TMEM38A: variants seen among roughly 807,000 people sequenced by gnomAD.
TMEM38A encodes trimeric intracellular cation channel type A.
In TMEM38A, 17 loss-of-function variants were observed where a neutral mutation model predicts 28.6. The ratio of observed to expected loss-of-function variants is 0.60; its 90% CI spans 0.41 to 0.89. TMEM38A has a LOEUF of 0.89. TMEM38A is among the 40% of genes least tolerant of loss of function. The pLI, the probability that TMEM38A is intolerant of heterozygous loss-of-function variation, is 0.00. For missense variants in TMEM38A, 328 were observed against 393.1 expected (o/e 0.83, Z 1.40); for synonymous variants, 169 against 166.1 (o/e 1.02, Z -0.14).
At chr19:16,675,442 A>T (rs1390265357) in intron 1 of TMEM38A, among the ~76,000 whole-genome samples, 1 of 151,598 alleles carries the variant, frequency 6.6e-6, no homozygotes, top group African/African-American at 2.4e-5. Context: ...CTATGTTCCC[A>T]GGGCTGGTCT....
intron 1 of TMEM38A, among the ~76,000 whole-genome samples, chr19:16,668,587 G>A (rs1441062308): frequency 6.6e-6 from 1 of 151,316 alleles, no homozygotes; most frequent in African/African-American, 2.4e-5. Flanking sequence ...AGATCCACCT[G>A]CCTTGGCTTC....
chr19:16,679,632 C>G (rs932172559), intron 1 of TMEM38A, among the ~76,000 whole-genome samples: 1 of 152,012 alleles, frequency 6.6e-6, no homozygotes, highest in Non-Finnish European at 1.5e-5. Context: ...TACAAGCTGG[C>G]CCGTCTCACC....
Position 16,661,155 on chromosome 19 carries a change from G to C in TMEM38A, c.-63G>C. 9.2e-7 allele frequency: 1 copy of C among 1,081,638 alleles called. No individual in the cohort carries two copies. The highest frequency in any genetic ancestry group is 4.4e-5 in the South Asian group (1 of 22,948). 67.0% of individuals were successfully genotyped at this position (1,081,638 alleles called of 1,614,324 possible). Reference sequence around the variant, plus strand: ...TGCGGGGGCGCAGTCGCCGGGCCGCGGGCGGCGGGACGGACGAGGCCGGGG... The same window carrying C: ...TGCGGGGGCGCAGTCGCCGGGCCGCCGGCGGCGGGACGGACGAGGCCGGGG... On this transcript the variant is annotated 5_prime_UTR_variant, in exon 1 of 6. Transcript: ENST00000187762. The surrounding 1 kb of genome is among the most constrained non-coding windows in gnomAD (Gnocchi z 6.5).
chr19:16,663,405 C>CA (rs2086690576), intron 1 of TMEM38A, among the ~76,000 whole-genome samples: 2 of 152,108 alleles, frequency 1.3e-5, no homozygotes, highest in African/African-American at 4.8e-5. Context: ...GATATTTCTG[C>CA]AGAAGTCCTA....
At chr19:16,666,274 T>C (rs62116935) in intron 1 of TMEM38A, among the ~76,000 whole-genome samples, 28,467 of 151,782 alleles carry the variant, frequency 0.19, 3,799 homozygotes, top group African/African-American at 0.38. Flanking sequence ...CCATTGCGCC[T>C]GGCCCATTTT....
chr19:16,685,087 A>AAATAAATAAATAAAT (rs1568317225), intron 4 of TMEM38A, among the ~76,000 whole-genome samples: 1 of 103,284 alleles, frequency 9.7e-6, no homozygotes, highest in African/African-American at 6.2e-5. Flanking sequence ...AATAAATAAA[A>AAATAAATAAATAAAT]CGAAATCAGC....
At chr19:16,674,134 C>T (rs951877958) in intron 1 of TMEM38A, among the ~76,000 whole-genome samples, 8 of 151,448 alleles carry the variant, frequency 5.3e-5, no homozygotes, top group African/African-American at 1.9e-4. Context: ...CCTGTAATCC[C>T]AGCACTTTGG....
intron 1 of TMEM38A, among the ~76,000 whole-genome samples, chr19:16,678,216 G>T (rs921104169): frequency 1.3e-4 from 20 of 151,820 alleles, no homozygotes; most frequent in African/African-American, 4.8e-4. Context: ...AGATCACAAG[G>T]TCAAGAGATT....
intron 1 of TMEM38A, among the ~76,000 whole-genome samples, chr19:16,664,102 A>C (rs2086693657): frequency 1.3e-5 from 2 of 152,078 alleles, no homozygotes; most frequent in East Asian, 3.9e-4. Context: ...AATTGATGTG[A>C]GATTGGTTTC....
chr19:16,685,764 A>G (rs1478686440), intron 4 of TMEM38A, among the ~76,000 whole-genome samples: 2 of 152,184 alleles, frequency 1.3e-5, no homozygotes, highest in Non-Finnish European at 2.9e-5. Context: ...GGACACTCCA[A>G]GGGCTTAGAG....
At chr19:16,666,558 G>T (rs2086703973) in intron 1 of TMEM38A, among the ~76,000 whole-genome samples, 1 of 151,998 alleles carries the variant, frequency 6.6e-6, no homozygotes, top group African/African-American at 2.4e-5. Flanking sequence ...CTTCCCATGA[G>T]CAACTGTGCC....
At position 16,678,576 on chromosome 19, in the gene TMEM38A, A is replaced by G. The variant is rs1006170731; in HGVS notation, c.125-1408A>G. ...GGAGTTTGAGACCAGCCTGGGCAAC[A>G]TGGCGAAACCCCGTGCCTACTTTAA... On this transcript the variant is annotated intron_variant, in intron 1 of 5. Coordinates refer to ENST00000187762, the MANE Select transcript of TMEM38A (RefSeq NM_024074.4). Among the ~76,000 whole-genome samples, 4 of 152,030 alleles carry G rather than the reference A, an allele frequency of 2.6e-5. No individual in the cohort carries two copies. In the East Asian group the frequency reaches 7.7e-4, roughly 29 times the overall value.
intron 4 of TMEM38A, among the ~76,000 whole-genome samples, chr19:16,684,467 G>T (rs2072419805): frequency 6.6e-6 from 1 of 151,144 alleles, no homozygotes; most frequent in Non-Finnish European, 1.5e-5. Flanking sequence ...GCAACAGAGC[G>T]AGACCTTGTC....
intron 5 of TMEM38A, 94 bp downstream of exon 5, chr19:16,686,499 T>C: frequency 3.9e-6 from 4 of 1,015,636 alleles, no homozygotes; most frequent in Non-Finnish European, 6.1e-6. Context: ...CTCCCAGCCT[T>C]ATGTGGCTGG....
intron 4 of TMEM38A, among the ~76,000 whole-genome samples, chr19:16,685,499 A>C (rs2086798201): frequency 6.6e-6 from 1 of 152,164 alleles, no homozygotes; most frequent in South Asian, 2.1e-4. Flanking sequence ...ACAGGGCTTC[A>C]TTCTCCCAGC....
intron 1 of TMEM38A, among the ~76,000 whole-genome samples, chr19:16,671,200 G>GGTTTTTTTTT (rs1568313636): frequency 8.9e-6 from 1 of 112,910 alleles, no homozygotes; most frequent in African/African-American, 5.1e-5. Flanking sequence ...AAGGACCTGG[G>GGTTTTTTTTT]CTTTTTTTTT....
rs1360053203 is a variant in TMEM38A at position 16,688,187 on chromosome 19, C to T, written c.716C>T (p.Ala239Val). 4 of 1,494,212 alleles carry T rather than the reference C, an allele frequency of 2.7e-6. No individual in the cohort carries two copies. Among genetic ancestry groups the T allele is most frequent in the Non-Finnish European group, 3.6e-6 (4 of 1,114,754 alleles). 92.6% of individuals were successfully genotyped at this position (1,494,212 alleles called of 1,614,324 possible). Residue 239 changes from alanine to valine, a missense_variant, in exon 6 of 6, where the codon GCC becomes GTC. Physicochemically the swap from Ala to Val is moderately conservative, Grantham distance 64. Transcript: ENST00000187762. ...CACTCACACAGCTCCCCCTTTGATG[C>T]CCTGGAGGGCTACATCTGCCCCGTG... Reference protein sequence around the residue: ...ATHSHSSPFDALEGYICPVLF... With the variant: ...ATHSHSSPFDVLEGYICPVLF...
At chr19:16,675,544 ATT>A (rs778592406) in intron 1 of TMEM38A, among the ~76,000 whole-genome samples, 1,732 of 89,696 alleles carry the variant, frequency 0.019, 36 homozygotes, top group African/African-American at 0.068. Flanking sequence ...TCTCTTGACT[ATT>A]TTTTTTTTTT....
intron 4 of TMEM38A, among the ~76,000 whole-genome samples, chr19:16,683,165 G>A (rs2086788506): frequency 1.3e-5 from 2 of 151,866 alleles, no homozygotes; most frequent in Non-Finnish European, 2.9e-5. Flanking sequence ...GTAGAGATGG[G>A]GTTTCACCAT....
Sources: allele counts gnomAD v4.1 joint callset (sites outside exome capture counted in the v4.1 genomes callset), GRCh38; gene constraint gnomAD v4.1.1; non-coding constraint Gnocchi (gnomAD v3.1); transcripts MANE v1.5; gene names NCBI Gene and HGNC (gene_info 2026-07-23, HGNC 2026-07-21).